The following LARP1B variants were observed in gnomAD, a reference collection of about 807,000 sequenced individuals.
LARP1B encodes la-related protein 1B.
Under a neutral mutation model 114.2 loss-of-function variants are expected in LARP1B, and 76 were observed. The ratio of observed to expected loss-of-function variants is 0.67; its 90% CI spans 0.55 to 0.81. The LOEUF is 0.81. Ranked by LOEUF, LARP1B falls within the 30% of genes least tolerant of loss-of-function variation. The probability of loss-of-function intolerance (pLI) is 0.00; values close to 1 mark genes in which losing one functional copy is unlikely to be tolerated. For missense variants in LARP1B, 1,014 were observed against 1,075.8 expected, an observed-to-expected ratio of 0.94 and a Z score of 0.80; for synonymous variants, 345 against 348.0, an observed-to-expected ratio of 0.99 and a Z score of 0.10.
intron 5 of LARP1B, among the ~76,000 whole-genome samples, chr4:128,086,562 C>T (rs1441229862): frequency 6.6e-6 from 1 of 151,974 alleles, no homozygotes; most frequent in East Asian, 1.9e-4. Context: ...CTCTTGGGCC[C>T]AAGCGATCTT....
Position 128,204,133 on chromosome 4 carries a change from C to A in LARP1B, c.2310-2295C>A, listed in dbSNP as rs144086798. Among the ~76,000 whole-genome samples the A allele has an allele frequency of 1.4e-3, 214 of 152,162 alleles. 1 individual carries two copies. Among genetic ancestry groups the A allele is most frequent in the African/African-American group, 5.1e-3 (210 of 41,548 alleles). On this transcript the variant is annotated intron_variant, in intron 17 of 19. Transcript: ENST00000326639. ...TTCAATATAAATGTTGTATTGTCAT[C>A]CTTTATCAATAATCTAAGAATTTCT...
intron 1 of LARP1B, among the ~76,000 whole-genome samples, chr4:128,072,010 A>ATTTATTTC (rs1186268730): frequency 1.3e-5 from 2 of 151,542 alleles, no homozygotes; most frequent in Non-Finnish European, 2.9e-5. Context: ...TACTTTATTT[A>ATTTATTTC]TTTATTTGAG....
At position 128,091,164 on chromosome 4, in the gene LARP1B, T is replaced by C; in HGVS notation, c.502+20T>C. On this transcript the variant is annotated intron_variant, in intron 6 of 19. Coordinates refer to ENST00000326639, the MANE Select transcript of LARP1B (RefSeq NM_018078.4). ...CTCGATGTATGACATAATTTTTGTT[T>C]CGTTAAATTAGATAAACTTTGAAAA... 1 of 1,602,384 alleles carries C rather than the reference T, an allele frequency of 6.2e-7. No individual in the cohort carries two copies. The highest frequency in any genetic ancestry group is 1.3e-5 in the African/African-American group (1 of 74,330).
chr4:128,092,795 A>G (rs1030303511), intron 7 of LARP1B: 24 of 985,412 alleles, frequency 2.4e-5, no homozygotes, highest in Non-Finnish European at 2.8e-5. Context: ...AACACTGAAG[A>G]AAAGGGCCTT....
chr4:128,216,717 AC>A (rs1441879755), downstream of LARP1B, among the ~76,000 whole-genome samples: 4 of 151,548 alleles, frequency 2.6e-5, no homozygotes, highest in Non-Finnish European at 4.4e-5. Context: ...TGACACCCTA[AC>A]ATCACAATTA....
At chr4:128,085,223 T>G (rs1772958362) in intron 5 of LARP1B, among the ~76,000 whole-genome samples, 1 of 152,156 alleles carries the variant, frequency 6.6e-6, no homozygotes, top group South Asian at 2.1e-4. Context: ...TTTAAAAAAT[T>G]TTTAAGTTTC....
At chr4:128,130,524 C>T (rs1236188702) in intron 11 of LARP1B, among the ~76,000 whole-genome samples, 5 of 152,110 alleles carry the variant, frequency 3.3e-5, no homozygotes, top group African/African-American at 1.2e-4. Flanking sequence ...TGCCAAAATC[C>T]AAAACAATAA....
At chr4:128,169,154 T>G (rs188271805) in intron 12 of LARP1B, among the ~76,000 whole-genome samples, 1 of 152,054 alleles carries the variant, frequency 6.6e-6, no homozygotes, top group Admixed American at 6.6e-5. Context: ...CTTTTTTGTC[T>G]TGATCGATCT....
At chr4:128,075,039 A>ACATT in intron 3 of LARP1B, 46 bp downstream of exon 3, 1 of 1,200,174 alleles carries the variant, frequency 8.3e-7, no homozygotes, top group Non-Finnish European at 1.2e-6. Flanking sequence ...AGGAAAATGT[A>ACATT]TTCATTTCGA....
At chr4:128,063,427 CAAAAAAA>C (rs763868048) in intron 1 of LARP1B, among the ~76,000 whole-genome samples, 49 of 13,202 alleles carry the variant, frequency 3.7e-3, no homozygotes, top group South Asian at 0.016. Flanking sequence ...GACCCACTCT[CAAAAAAA>C]AAAAAAAAAA....
rs80138524 is a variant in LARP1B at position 128,142,629 on chromosome 4, C to G, written c.1525-19565C>G. On this transcript the variant is annotated intron_variant, in intron 11 of 19. Transcript: ENST00000326639. ...GTTCAAGCTATTCTTCTGCCTCAGC[C>G]CCCCGAGTATCTGGGATTACAGGCA... Among the ~76,000 whole-genome samples the G allele has an allele frequency of 2.6e-3, 401 of 152,016 alleles. 18 individuals are homozygous for G. The East Asian group carries it at 0.069, about 26-fold the overall frequency.
intron 4 of LARP1B, among the ~76,000 whole-genome samples, chr4:128,081,077 CTTTTT>C (rs4000703): frequency 7.8e-6 from 1 of 127,960 alleles, no homozygotes; most frequent in Non-Finnish European, 1.7e-5. Flanking sequence ...TGTATATATA[CTTTTT>C]TTTTTTTTTT....
intron 15 of LARP1B, among the ~76,000 whole-genome samples, chr4:128,198,628 GTCT>G (rs1755019088): frequency 6.6e-6 from 1 of 152,346 alleles, no homozygotes; most frequent in South Asian, 2.1e-4. Context: ...GGCCAACAAT[GTCT>G]TCTTATTATG....
At chr4:128,080,535 A>G (rs1384211471) in intron 4 of LARP1B, among the ~76,000 whole-genome samples, 2 of 152,220 alleles carry the variant, frequency 1.3e-5, no homozygotes, top group Non-Finnish European at 2.9e-5. Flanking sequence ...ATAGGATATC[A>G]ATATTGTAGT....
intron 1 of LARP1B, among the ~76,000 whole-genome samples, chr4:128,071,077 C>T (rs375428878): frequency 1.6e-3 from 236 of 152,016 alleles, no homozygotes; most frequent in Non-Finnish European, 2.5e-3. Flanking sequence ...GACAGAGTCT[C>T]GCTCTGTCGC....
At chr4:128,106,653 A>G (rs1380760481) in intron 8 of LARP1B, among the ~76,000 whole-genome samples, 1 of 151,690 alleles carries the variant, frequency 6.6e-6, no homozygotes, top group Non-Finnish European at 1.5e-5. Flanking sequence ...ATCTTTGATT[A>G]AGTTTATTTC....
intron 11 of LARP1B, among the ~76,000 whole-genome samples, chr4:128,158,044 G>T (rs925306234): frequency 1.3e-5 from 2 of 152,058 alleles, no homozygotes; most frequent in Non-Finnish European, 2.9e-5. Flanking sequence ...GGCAAAGTAG[G>T]TTTTTAAGGC....
chr4:128,065,303 TTCTTTCTTTCTTTCTCTCTC>T (rs1351083869), intron 1 of LARP1B, among the ~76,000 whole-genome samples: 6 of 114,604 alleles, frequency 5.2e-5, no homozygotes, highest in South Asian at 2.8e-4. Context: ...CTTTCTTTCT[TTCTTTCTTTCTTTCTCTCTC>T]TCTCTCTCTT....
At chr4:128,123,551 T>C in intron 11 of LARP1B, 1 of 426,442 alleles carries the variant, frequency 2.3e-6, no homozygotes, top group Non-Finnish European at 3.1e-6. Flanking sequence ...TTTATTCTCT[T>C]GGAGAAAAAA....
Sources: gnomAD v4.1 joint callset for allele counts (sites outside exome capture counted in the v4.1 genomes callset) on GRCh38, gnomAD v4.1.1 for gene constraint, MANE v1.5 for transcripts, NCBI Gene and HGNC (gene_info 2026-07-23, HGNC 2026-07-21) for gene names.